Variants in CACNA1S observed in about 807,000 individuals in gnomAD.
The protein encoded by CACNA1S is voltage-dependent L-type calcium channel subunit alpha-1S.
Under a neutral mutation model 207.4 loss-of-function variants are expected in CACNA1S, and 126 were observed. The observed-to-expected ratio is 0.61, with a 90% confidence interval of 0.53 to 0.70. The LOEUF (loss-of-function observed/expected upper bound fraction) is 0.70. CACNA1S is among the 30% of genes least tolerant of loss of function. The probability of loss-of-function intolerance (pLI) is 0.00; values close to 1 mark genes in which losing one functional copy is unlikely to be tolerated. For missense variants in CACNA1S, 2,349 were observed against 2,422.8 expected (o/e 0.97, Z 0.64); for synonymous variants, 960 against 932.7 (o/e 1.03, Z -0.53).
chr1:201,064,974 C>T (rs561921058), intron 22 of CACNA1S, among the ~76,000 whole-genome samples: 17 of 152,186 alleles, frequency 1.1e-4, no homozygotes, highest in Admixed American at 2.0e-4. Flanking sequence ...TGGGATAGGG[C>T]GTATGCTTGG....
intron 12 of CACNA1S, among the ~76,000 whole-genome samples, chr1:201,076,206 G>C (rs192535575): frequency 6.6e-6 from 1 of 152,194 alleles, no homozygotes; most frequent in Non-Finnish European, 1.5e-5. Flanking sequence ...ACCCACCCAG[G>C]CCTCCTGTTA....
chr1:201,050,658 A>C (rs530131621), intron 33 of CACNA1S, 142 bp from the exon 34 acceptor site: 2 of 871,858 alleles, frequency 2.3e-6, no homozygotes, highest in African/African-American at 1.7e-5. Flanking sequence ...CACCCACATC[A>C]CACACACAGC....
intron 2 of CACNA1S, among the ~76,000 whole-genome samples, chr1:201,105,709 A>T (rs527944891): frequency 1.3e-5 from 2 of 152,058 alleles, no homozygotes; most frequent in African/African-American, 4.8e-5. Context: ...AGATCCTGGG[A>T]TTTCCCACAG....
chr1:201,040,472 C>A (rs1660120730), intron 42 of CACNA1S, 98 bp from the exon 43 acceptor site: 2 of 1,510,644 alleles, frequency 1.3e-6, no homozygotes, highest in Non-Finnish European at 1.8e-6. Context: ...AACCAAGATC[C>A]ACAGAAAGGG....
chr1:201,042,992 C>A, intron 40 of CACNA1S: 1 of 414,158 alleles, frequency 2.4e-6, no homozygotes, highest in Non-Finnish European at 4.5e-6. Flanking sequence ...CCTAACCTAT[C>A]ATGTGTTCAA....
intron 19 of CACNA1S, 85 bp from the exon 20 acceptor site, chr1:201,067,078 C>T: frequency 1.2e-6 from 1 of 858,142 alleles, no homozygotes; most frequent in Non-Finnish European, 2.0e-6. Context: ...CGCCTCTGCT[C>T]AGGAGAGCAC....
intron 28 of CACNA1S, among the ~76,000 whole-genome samples, chr1:201,055,022 C>G (rs2102564682): frequency 6.6e-6 from 1 of 152,332 alleles, no homozygotes. Context: ...AGGGGCACAG[C>G]TCCTCTGGGG....
At chr1:201,099,247 C>T (rs1375900289) in intron 2 of CACNA1S, among the ~76,000 whole-genome samples, 1 of 152,222 alleles carries the variant, frequency 6.6e-6, no homozygotes, top group Admixed American at 6.5e-5. Context: ...CACCTTCTTC[C>T]CCTGCAATCC....
At position 201,052,655 on chromosome 1, in the gene CACNA1S, G is replaced by T. The variant is rs760642810; in HGVS notation, c.3862-7C>A. On this transcript the variant is annotated splice_polypyrimidine_tract_variant and splice_region_variant and intron_variant, in intron 31 of 43. Transcript: ENST00000362061. The stretch of plus-strand genomic sequence containing the variant: ...AGGCGATCTTCCCAAACATCTGCAA[G>T]TCACAAAGGGCCCTGACTGTGGAAC... The T allele has an allele frequency of 6.2e-7, 1 of 1,609,324 alleles. No homozygotes were observed. The highest frequency in any genetic ancestry group is 2.2e-5 in the East Asian group (1 of 44,822).
In CACNA1S at chr1:201,085,028, T is replaced by A; in HGVS notation, c.1154A>T (p.Lys385Ile). The A allele has an allele frequency of 6.2e-7, 1 of 1,609,774 alleles. No individual in the cohort carries two copies. The highest frequency in any genetic ancestry group is 8.5e-7 in the Non-Finnish European group (1 of 1,179,274). ...VMDVEDFREG[K>I]LSLDEGGSDT... Reference sequence around the variant, plus strand: ...AGAGCCACCTTCATCCAAAGACAGTTTTCCTGGAGACAGGAGAGAAAGAGT... The same window carrying A: ...AGAGCCACCTTCATCCAAAGACAGTATTCCTGGAGACAGGAGAGAAAGAGT... The change falls in exon 9 of 44, where the codon AAA (lysine) becomes ATA (isoleucine). Residue 385 changes from lysine to isoleucine, a missense_variant. Lys to Ile is a moderately radical substitution (Grantham distance 102). Transcript: ENST00000362061.
chr1:201,056,898 C>T (rs962957399), intron 28 of CACNA1S, among the ~76,000 whole-genome samples: 3 of 152,182 alleles, frequency 2.0e-5, no homozygotes, highest in Non-Finnish European at 2.9e-5. Context: ...TTCCTGTCAG[C>T]TCAACCTTCA....
chr1:201,063,913 C>G (rs939129063), intron 22 of CACNA1S, among the ~76,000 whole-genome samples: 8 of 152,190 alleles, frequency 5.3e-5, no homozygotes, highest in Non-Finnish European at 7.3e-5. Context: ...AAGCTTGACT[C>G]TGCTATAATG....
At position 201,039,825 on chromosome 1, in the gene CACNA1S, T is replaced by G; in HGVS notation, c.*6A>C. 6.2e-7 allele frequency: 1 copy of G among 1,602,850 alleles called. No homozygotes were observed. Among genetic ancestry groups the G allele is most frequent in the Non-Finnish European group, 8.5e-7 (1 of 1,179,980 alleles). On this transcript the variant is annotated 3_prime_UTR_variant, in exon 44 of 44. Coordinates refer to ENST00000362061, the MANE Select transcript of CACNA1S (RefSeq NM_000069.3). Reference sequence around the variant, plus strand: ...GCTCTAAGCCCATGCTGATGCTGTGTGGGCATCACAGCCTTGGAGGAATAA... The same window carrying G: ...GCTCTAAGCCCATGCTGATGCTGTGGGGGCATCACAGCCTTGGAGGAATAA...
Position 201,065,806 on chromosome 1 carries a change from AG to A in CACNA1S, c.2853+31del, listed in dbSNP as rs777149769. ...AGTGGGCACCAGGGCTGGGAGCGGG[AG>A]GGGGAGCTGCTCGCGCAGGCTGGGG... On this transcript the variant is annotated intron_variant, in intron 22 of 43. Transcript: ENST00000362061. The A allele has an allele frequency of 3.4e-6, 5 of 1,491,510 alleles. No individual in the cohort carries two copies. In the South Asian group the frequency reaches 4.5e-5, roughly 13 times the overall value. 92.4% of individuals were successfully genotyped at this position (1,491,510 alleles called of 1,614,324 possible). A position where few individuals can be genotyped will look rare whatever the true frequency, so the allele number is the denominator to read the frequency against.
At chr1:201,082,335 T>TC (rs1187447629) in intron 10 of CACNA1S, among the ~76,000 whole-genome samples, 1 of 151,798 alleles carries the variant, frequency 6.6e-6, no homozygotes, top group East Asian at 1.9e-4. Flanking sequence ...CCTCAGGTAT[T>TC]TTTTTTATAG....
At chr1:201,062,114 T>A in intron 23 of CACNA1S, 24 bp from the exon 24 acceptor site, 1 of 1,611,102 alleles carries the variant, frequency 6.2e-7, no homozygotes, top group Non-Finnish European at 8.5e-7. Context: ...GCCCAGTCAC[T>A]CCACAGGGCA....
intron 22 of CACNA1S, 77 bp from the exon 23 acceptor site, chr1:201,062,591 G>T (rs1473523581): frequency 2.3e-6 from 3 of 1,307,306 alleles, no homozygotes; most frequent in South Asian, 1.2e-5. Flanking sequence ...CTCTGGGAGT[G>T]AACAGTGGAA....
chr1:201,108,440 T>C (rs1662980679), intron 2 of CACNA1S, among the ~76,000 whole-genome samples: 1 of 152,120 alleles, frequency 6.6e-6, no homozygotes, highest in Non-Finnish European at 1.5e-5. Flanking sequence ...GGGGCAGAGT[T>C]TTTTTACAAA....
intron 2 of CACNA1S, among the ~76,000 whole-genome samples, chr1:201,095,706 A>G (rs1373386544): frequency 6.6e-6 from 1 of 152,270 alleles, no homozygotes; most frequent in Non-Finnish European, 1.5e-5. Flanking sequence ...TGTGATGATT[A>G]AAATGCAAAG....
Sources: allele counts gnomAD v4.1 joint callset (sites outside exome capture counted in the v4.1 genomes callset), GRCh38; gene constraint gnomAD v4.1.1; transcripts MANE v1.5; gene names NCBI Gene and HGNC (gene_info 2026-07-23, HGNC 2026-07-21).